The following ZNF652 variants were observed in gnomAD, a reference collection of about 807,000 sequenced individuals.
ZNF652 encodes the protein zinc finger protein 652.
In ZNF652, 16 loss-of-function variants were observed where a neutral mutation model predicts 45.2. The observed-to-expected ratio is 0.35, with a 90% confidence interval of 0.24 to 0.54. The LOEUF (loss-of-function observed/expected upper bound fraction) is 0.54. Among genes scored for constraint, ZNF652 ranks in the 20% least tolerant of loss-of-function variants. The pLI is 0.91. For missense variants in ZNF652, 614 were observed against 765.6 expected (o/e 0.80, Z 2.34); for synonymous variants, 250 against 260.6 (o/e 0.96, Z 0.39).
At chr17:49,316,400 T>C (rs572349975) in intron 2 of ZNF652, among the ~76,000 whole-genome samples, 21 of 152,244 alleles carry the variant, frequency 1.4e-4, no homozygotes, top group Non-Finnish European at 2.8e-4. Context: ...TTATGGTTTT[T>C]GTCCCCATCA....
chr17:49,332,023 C>G (rs952071488), intron 1 of ZNF652, among the ~76,000 whole-genome samples: 17 of 151,828 alleles, frequency 1.1e-4, no homozygotes, highest in Admixed American at 6.6e-5. Flanking sequence ...GTGGCTCACA[C>G]CTGTAATCCC....
rs2143674898 is a variant in ZNF652, at chr17:49,294,551, CCTAT to C, written c.*3858_*3861del. 6.6e-6 allele frequency: 1 copy of C among 152,202 alleles called. No homozygotes were observed. Among genetic ancestry groups the C allele is most frequent in the South Asian group, 2.1e-4 (1 of 4,824 alleles). The allele number at this position is 152,202 out of a possible 1,614,324, so 9.4% of individuals were successfully genotyped here. Reference sequence around the variant, plus strand: ...ATTTAAAAATCTAACTCCGAATGAGCCTATCTGACTCAATTTGAGAAAGCAGCAG... The same window carrying C: ...ATTTAAAAATCTAACTCCGAATGAGCCTGACTCAATTTGAGAAAGCAGCAG... On this transcript the variant is annotated 3_prime_UTR_variant, in exon 6 of 6. Coordinates refer to ENST00000430262, the MANE Select transcript of ZNF652 (RefSeq NM_001145365.3).
Position 49,298,106 on chromosome 17 carries a change from C to T in ZNF652, c.*307G>A. 2.7e-6 allele frequency: 1 copy of T among 366,174 alleles called. No individual in the cohort carries two copies. The highest frequency in any genetic ancestry group is 5.0e-6 in the Non-Finnish European group (1 of 199,498). 22.7% of individuals were successfully genotyped at this position (366,174 alleles called of 1,614,324 possible). On this transcript the variant is annotated 3_prime_UTR_variant, in exon 6 of 6. Transcript: ENST00000430262. ...GTCTGGGATATAAAAGCAAGCATACCTCATCAGCTGATATGAAATTATAAA... is the reference window on the plus strand; with the variant it reads ...GTCTGGGATATAAAAGCAAGCATACTTCATCAGCTGATATGAAATTATAAA...
chr17:49,298,444 G>A lies in ZNF652; in HGVS notation c.1790C>T (p.Ala597Val). ...QSEDNFLRHL[A>V]EKNSSAQHH ...ATGCTGTGCTGAACTGTTCTTCTCT[G>A]CCAGGTGCCGCAGAAAGTTGTCCTC... The change falls in exon 6 of 6, where the codon GCA (alanine) becomes GTA (valine). Residue 597 changes from alanine (A) to valine (V), a missense_variant. Transcript: ENST00000430262. The A allele has an allele frequency of 6.2e-7, 1 of 1,612,920 alleles. No individual in the cohort carries two copies. The highest frequency in any genetic ancestry group is 8.5e-7 in the Non-Finnish European group (1 of 1,180,036).
At position 49,298,434 on chromosome 17, in the gene ZNF652, GTTC is replaced by G. The variant is rs752806169; in HGVS notation, c.1797_1799del (p.Lys599del). On this transcript the variant is annotated inframe_deletion, in exon 6 of 6. Transcript: ENST00000430262. ...GATGTTAATGATGCTGTGCTGAACT[GTTC>G]TTCTCTGCCAGGTGCCGCAGAAAGT... is the stretch of plus-strand genomic sequence containing the variant. The G allele has an allele frequency of 1.9e-6, 3 of 1,612,820 alleles. No individual in the cohort carries two copies. The highest frequency in any genetic ancestry group is 2.2e-5 in the East Asian group (1 of 44,874).
intron 1 of ZNF652, among the ~76,000 whole-genome samples, chr17:49,343,864 C>T (rs1410371699): frequency 1.3e-5 from 2 of 151,860 alleles, no homozygotes; most frequent in Non-Finnish European, 2.9e-5. Flanking sequence ...AGACCAGCCT[C>T]GGCAACATGG....
rs2069400714 is a variant in ZNF652 at position 49,291,217 on chromosome 17, G to C, written c.*7196C>G. 6.6e-6 allele frequency: 1 copy of C among 152,214 alleles called. No homozygotes were observed. Among genetic ancestry groups the C allele is most frequent in the Admixed American group, 6.5e-5 (1 of 15,282 alleles). 9.4% of individuals were successfully genotyped at this position (152,214 alleles called of 1,614,324 possible). On this transcript the variant is annotated 3_prime_UTR_variant, in exon 6 of 6. Transcript: ENST00000430262. ...ATGCAATGAAACAGTCTTGAGTCCT[G>C]TACAGGATGTCTATCATGCTCATCA... is the stretch of plus-strand genomic sequence containing the variant.
rs1020755874 is a variant in ZNF652, at chr17:49,291,619, C to T, written c.*6794G>A. 6 of 152,196 alleles carry T rather than the reference C, an allele frequency of 3.9e-5. No individual in the cohort carries two copies. The highest frequency in any genetic ancestry group is 1.2e-4 in the African/African-American group (5 of 41,456). The allele number at this position is 152,196 out of a possible 1,614,324, so 9.4% of individuals were successfully genotyped here. A position where few individuals can be genotyped will look rare whatever the true frequency, so the allele number is the denominator to read the frequency against. On this transcript the variant is annotated 3_prime_UTR_variant, in exon 6 of 6. Transcript: ENST00000430262. ...AGTTTCCTACTGAAGACATACAAGA[C>T]AGCAGGCTGTCTCAAGGATGTGGTT...
At position 49,290,453 on chromosome 17, in the gene ZNF652, G is replaced by A. The variant is rs929163800; in HGVS notation, c.*7960C>T. On this transcript the variant is annotated 3_prime_UTR_variant, in exon 6 of 6. Transcript: ENST00000430262. ...TCAGGAGGAAGTGCCTGACCTAGAG[G>A]ACTTGTTCCCTGATGTAACAGATAT... 11 of 152,200 alleles carry A rather than the reference G, an allele frequency of 7.2e-5. No homozygotes were observed. The highest frequency in any genetic ancestry group is 2.0e-4 in the Admixed American group (3 of 15,286). 9.4% of individuals were successfully genotyped at this position (152,200 alleles called of 1,614,324 possible).
chr17:49,357,724 G>A (rs1180327330), intron 1 of ZNF652, among the ~76,000 whole-genome samples: 3 of 152,176 alleles, frequency 2.0e-5, no homozygotes, highest in Non-Finnish European at 4.4e-5. Context: ...ATTGAGATAC[G>A]TTAATGTCCT....
At chr17:49,347,606 G>A (rs1000782113) in intron 1 of ZNF652, among the ~76,000 whole-genome samples, 14 of 151,846 alleles carry the variant, frequency 9.2e-5, no homozygotes, top group African/African-American at 3.4e-4. Context: ...AATGGATGTA[G>A]GCAAAAAGAT....
intron 1 of ZNF652, among the ~76,000 whole-genome samples, chr17:49,336,949 T>TG (rs1177839988): frequency 1.7e-5 from 2 of 118,860 alleles, no homozygotes; most frequent in African/African-American, 3.1e-5. Flanking sequence ...GGTGTTTTTT[T>TG]TTTTTTTTTT....
rs573687953 is a variant in ZNF652 at position 49,309,746 on chromosome 17, T to A, written c.1309+1566A>T. Among the ~76,000 whole-genome samples the A allele has an allele frequency of 2.1e-3, 318 of 152,264 alleles. 2 individuals carry two copies. Among genetic ancestry groups the A allele is most frequent in the African/African-American group, 7.3e-3 (305 of 41,556 alleles). ...ATTTTCTTTTCAGGTCTAATTTAAC[T>A]AATAAAACTGCTCTCATGACTCTTC... On this transcript the variant is annotated intron_variant, in intron 5 of 5. Coordinates refer to ENST00000430262, the MANE Select transcript of ZNF652 (RefSeq NM_001145365.3).
intron 2 of ZNF652, among the ~76,000 whole-genome samples, chr17:49,313,749 G>C (rs2069751901): frequency 6.6e-6 from 1 of 151,590 alleles, no homozygotes; most frequent in African/African-American, 2.4e-5. Flanking sequence ...AAGACAGGAG[G>C]ATCACCTGAG....
intron 1 of ZNF652, among the ~76,000 whole-genome samples, chr17:49,351,023 A>ATATG (rs1567700340): frequency 3.6e-4 from 29 of 81,670 alleles, no homozygotes; most frequent in Admixed American, 5.5e-4. Flanking sequence ...ATACACACAC[A>ATATG]CACACACACA....
At chr17:49,325,175 C>A (rs1188918627) in intron 1 of ZNF652, among the ~76,000 whole-genome samples, 1 of 152,074 alleles carries the variant, frequency 6.6e-6, no homozygotes, top group Non-Finnish European at 1.5e-5. Context: ...TTAATGATTT[C>A]TAGCTTTTGA....
chr17:49,307,819 G>A (rs138856376), intron 5 of ZNF652, among the ~76,000 whole-genome samples: 1 of 152,140 alleles, frequency 6.6e-6, no homozygotes, highest in African/African-American at 2.4e-5. Context: ...TACATTAATT[G>A]AGAAAAAGCA....
chr17:49,352,226 G>C (rs2070290117), intron 1 of ZNF652, among the ~76,000 whole-genome samples: 1 of 151,810 alleles, frequency 6.6e-6, no homozygotes, highest in Admixed American at 6.6e-5. Context: ...CTTTAGTTGA[G>C]AAGATCAGTC....
chr17:49,297,821 A>C lies in ZNF652; in HGVS notation c.*592T>G, dbSNP rs2069496210. On this transcript the variant is annotated 3_prime_UTR_variant, in exon 6 of 6. Transcript: ENST00000430262. ...CATTTTAGAAACAGACTACCAAAGA[A>C]GTCTATACAAAAACTCTAAAATAAT... The C allele has an allele frequency of 6.5e-6, 1 of 152,764 alleles. No individual in the cohort carries two copies. Among genetic ancestry groups the C allele is most frequent in the African/African-American group, 2.4e-5 (1 of 41,458 alleles). 9.5% of individuals were successfully genotyped at this position (152,764 alleles called of 1,614,324 possible).
Sources: gnomAD v4.1 joint callset for allele counts (sites outside exome capture counted in the v4.1 genomes callset) on GRCh38, gnomAD v4.1.1 for gene constraint, MANE v1.5 for transcripts, NCBI Gene and HGNC (gene_info 2026-07-23, HGNC 2026-07-21) for gene names.